Variants in SOX5 observed in about 807,000 individuals in gnomAD.
The protein encoded by SOX5 is SRY-box transcription factor 5, also known as transcription factor SOX-5.
A neutral mutation model predicts 92.0 loss-of-function variants in SOX5; 9 were observed. The observed-to-expected ratio is 0.10, with a 90% CI of 0.06 to 0.17. The LOEUF is 0.17. Among genes scored for constraint, SOX5 ranks in the 10% least tolerant of loss-of-function variants. SOX5 has a pLI of 1.00. For synonymous variants in SOX5, 344 were observed against 336.3 expected (o/e 1.02, Z -0.25); for missense variants, 642 against 944.5 (o/e 0.68, Z 4.20).
At chr12:24,537,771 T>G (rs905974411) in intron 1 of SOX5, among the ~76,000 whole-genome samples, 4 of 152,216 alleles carry the variant, frequency 2.6e-5, no homozygotes, top group Admixed American at 6.5e-5. Context: ...CAAGGCATTT[T>G]CTCGAAAGTT....
chr12:23,742,843 A>G (rs1357628747), intron 4 of SOX5, among the ~76,000 whole-genome samples: 5 of 152,110 alleles, frequency 3.3e-5, no homozygotes, highest in Admixed American at 3.3e-4. Context: ...TTATTTTAAA[A>G]ATTAGCTGAG....
At chr12:24,069,440 AAT>A (rs1427252064) in intron 4 of SOX5, among the ~76,000 whole-genome samples, 1 of 152,234 alleles carries the variant, frequency 6.6e-6, no homozygotes, top group African/African-American at 2.4e-5. Flanking sequence ...GTGTAATTAA[AAT>A]AGTCATATAA....
At position 23,855,802 on chromosome 12, in the gene SOX5, T is replaced by C. The variant is rs544137289; in HGVS notation, c.271-9609A>G. On this transcript the variant is annotated intron_variant, in intron 2 of 14. Transcript: ENST00000451604. ...TCTCTGAGAATTATAAAAGAAAAAGTCTGTAAAACATATGCCTTCTCACTG... is the reference window on the plus strand; with the variant it reads ...TCTCTGAGAATTATAAAAGAAAAAGCCTGTAAAACATATGCCTTCTCACTG... Among the ~76,000 whole-genome samples the C allele has an allele frequency of 3.3e-4, 50 of 152,246 alleles. 1 individual carries two copies. The South Asian group carries it at 0.01, about 32-fold the overall frequency.
chr12:23,689,880 C>T (rs1454044616), intron 6 of SOX5, among the ~76,000 whole-genome samples: 3 of 152,136 alleles, frequency 2.0e-5, no homozygotes, highest in Non-Finnish European at 4.4e-5. Flanking sequence ...ATTTAAGACG[C>T]ATTGCTGGCA....
At chr12:24,203,474 G>C (rs1957731950) in intron 4 of SOX5, among the ~76,000 whole-genome samples, 1 of 152,170 alleles carries the variant, frequency 6.6e-6, no homozygotes, top group African/African-American at 2.4e-5. Flanking sequence ...TCAGCAGATA[G>C]AGCTGGGAAT....
chr12:24,133,117 T>C (rs1949802167), intron 4 of SOX5, among the ~76,000 whole-genome samples: 4 of 152,222 alleles, frequency 2.6e-5, no homozygotes, highest in Admixed American at 2.6e-4. Context: ...CTCACTGGCA[T>C]AAAGGCTTCC....
chr12:24,385,745 A>G (rs762637902), intron 1 of SOX5, among the ~76,000 whole-genome samples: 4 of 151,966 alleles, frequency 2.6e-5, no homozygotes, highest in Non-Finnish European at 5.9e-5. Context: ...TGAGACCAGC[A>G]GGGGCAACGT....
chr12:24,324,113 G>C (rs1950457158), intron 2 of SOX5, among the ~76,000 whole-genome samples: 1 of 152,040 alleles, frequency 6.6e-6, no homozygotes, highest in Non-Finnish European at 1.5e-5. Flanking sequence ...TTATGGAATT[G>C]GGTCTTATAT....
chr12:24,080,331 T>C (rs1943173061), intron 4 of SOX5, among the ~76,000 whole-genome samples: 1 of 151,994 alleles, frequency 6.6e-6, no homozygotes. Flanking sequence ...TGCTAACATA[T>C]AGGAACTCAA....
At chr12:23,613,957 T>C (rs2076259456) in intron 8 of SOX5, among the ~76,000 whole-genome samples, 2 of 152,180 alleles carry the variant, frequency 1.3e-5, no homozygotes, top group South Asian at 4.1e-4. Flanking sequence ...CTTGGTCTCC[T>C]TGCAGCTCCA....
intron 4 of SOX5, among the ~76,000 whole-genome samples, chr12:24,098,698 G>C (rs1945723181): frequency 1.3e-5 from 2 of 152,016 alleles, no homozygotes; most frequent in South Asian, 4.2e-4. Context: ...TCTTTGCCTT[G>C]AACACTCTCA....
chr12:23,690,350 T>C (rs773551234), intron 6 of SOX5, among the ~76,000 whole-genome samples: 1 of 149,478 alleles, frequency 6.7e-6, no homozygotes. Context: ...ATGTAACACA[T>C]AGAAAGACAT....
At chr12:23,562,156 T>C (rs1035316779) in intron 11 of SOX5, among the ~76,000 whole-genome samples, 1 of 152,216 alleles carries the variant, frequency 6.6e-6, no homozygotes, top group Non-Finnish European at 1.5e-5. Context: ...ACCAATGTCA[T>C]ACGTCTTATG....
intron 2 of SOX5, among the ~76,000 whole-genome samples, chr12:23,860,671 G>A (rs1052592675): frequency 2.0e-5 from 3 of 151,988 alleles, no homozygotes; most frequent in African/African-American, 7.2e-5. Context: ...ACATCTAAAG[G>A]TAGATGTGCC....
intron 4 of SOX5, among the ~76,000 whole-genome samples, chr12:24,198,859 T>C (rs985180549): frequency 1.3e-5 from 2 of 150,714 alleles, no homozygotes; most frequent in African/African-American, 4.8e-5. Context: ...TTGGGTGGGA[T>C]AGAAAAATAA....
intron 3 of SOX5, among the ~76,000 whole-genome samples, chr12:23,833,341 A>G (rs2096361448): frequency 6.6e-6 from 1 of 151,972 alleles, no homozygotes; most frequent in Non-Finnish European, 1.5e-5. Context: ...CATCATAAGA[A>G]ATACAAACTG....
chr12:24,202,864 T>A (rs1030797633), intron 4 of SOX5, among the ~76,000 whole-genome samples: 1 of 152,226 alleles, frequency 6.6e-6, no homozygotes, highest in Non-Finnish European at 1.5e-5. Flanking sequence ...TTTTAGGTGG[T>A]GTCTGCCAGG....
intron 3 of SOX5, among the ~76,000 whole-genome samples, chr12:23,824,548 A>C (rs1372893392): frequency 6.6e-6 from 1 of 151,692 alleles, no homozygotes; most frequent in Non-Finnish European, 1.5e-5. Context: ...GTGTCTGTTG[A>C]CCCCTGCTGG....
intron 1 of SOX5, among the ~76,000 whole-genome samples, chr12:24,482,067 A>G (rs1852177315): frequency 6.6e-6 from 1 of 152,234 alleles, no homozygotes; most frequent in South Asian, 2.1e-4. Context: ...CTTTAATTTC[A>G]GCCAGTAGAG....
Sources: allele counts gnomAD v4.1 joint callset (sites outside exome capture counted in the v4.1 genomes callset), GRCh38; gene constraint gnomAD v4.1.1; transcripts MANE v1.5; gene names NCBI Gene and HGNC (gene_info 2026-07-23, HGNC 2026-07-21).